The following ACTL6A variants were observed in gnomAD, a reference collection of about 807,000 sequenced individuals.
ACTL6A encodes actin like 6A, also known as actin-like protein 6A.
In ACTL6A, 5 loss-of-function variants were observed where a neutral mutation model predicts 59.2. The ratio of observed to expected loss-of-function variants is 0.08; its 90% confidence interval spans 0.04 to 0.18. ACTL6A has a LOEUF of 0.18. ACTL6A is among the 10% of genes least tolerant of loss of function. The pLI is 1.00. For synonymous variants in ACTL6A, 154 were observed against 171.8 expected (o/e 0.90, Z 0.81); for missense variants, 285 against 526.9 (o/e 0.54, Z 4.49).
intron 1 of ACTL6A, among the ~76,000 whole-genome samples, chr3:179,567,812 G>A (rs1485491796): frequency 6.6e-6 from 1 of 152,126 alleles, no homozygotes; most frequent in Admixed American, 6.5e-5. Context: ...TAATTATCTT[G>A]AGAAATGTAA....
At chr3:179,585,113 T>C (rs1365549030) in intron 12 of ACTL6A, among the ~76,000 whole-genome samples, 2 of 152,128 alleles carry the variant, frequency 1.3e-5, no homozygotes, top group East Asian at 1.9e-4. Context: ...TATTTATTTA[T>C]TTACTTGAGA....
rs774573727 is a variant in ACTL6A, at chr3:179,563,051, C to A, written c.-42C>A. 49 of 1,607,414 alleles carry A rather than the reference C, an allele frequency of 3.0e-5. No homozygotes were observed. Among genetic ancestry groups the A allele is most frequent in the Middle Eastern group, 1.7e-4 (1 of 6,046 alleles). ...GCAGTCGCGGCCACTGCAGTCACTT[C>A]GCCAGTTAGCCCTTAGGGTAGGAGT... On this transcript the variant is annotated 5_prime_UTR_variant, in exon 1 of 14. Transcript: ENST00000429709.
intron 1 of ACTL6A, among the ~76,000 whole-genome samples, chr3:179,566,406 GCTT>G (rs1326076036): frequency 6.6e-6 from 1 of 152,122 alleles, no homozygotes; most frequent in African/African-American, 2.4e-5. Context: ...ATTATAATTG[GCTT>G]CTTTTATAAA....
intron 8 of ACTL6A, among the ~76,000 whole-genome samples, chr3:179,579,879 C>G (rs956766818): frequency 1.3e-5 from 2 of 152,138 alleles, no homozygotes; most frequent in African/African-American, 4.8e-5. Flanking sequence ...AACACCTGGG[C>G]TCCCCCTGCC....
At chr3:179,567,911 C>G (rs903448280) in intron 1 of ACTL6A, among the ~76,000 whole-genome samples, 1 of 152,132 alleles carries the variant, frequency 6.6e-6, no homozygotes, top group East Asian at 1.9e-4. Flanking sequence ...CGGTGGCTAA[C>G]ACCTATAATC....
chr3:179,570,333 A>G lies in ACTL6A; in HGVS notation c.277+92A>G, dbSNP rs1717967403. 8.2e-7 allele frequency: 1 copy of G among 1,218,796 alleles called. No homozygotes were observed. 75.5% of individuals were successfully genotyped at this position (1,218,796 alleles called of 1,614,324 possible). ...GCTTCCTATAAGTTGAACATCAACCATGGTTTTTTGTTTTGTTTTGTTTTT... is the reference window on the plus strand; with the variant it reads ...GCTTCCTATAAGTTGAACATCAACCGTGGTTTTTTGTTTTGTTTTGTTTTT... On this transcript the variant is annotated intron_variant, in intron 3 of 13. Coordinates refer to ENST00000429709, the MANE Select transcript of ACTL6A (RefSeq NM_004301.5). This position sits in a 1 kb window ranked among gnomAD's most constrained non-coding sequence, Gnocchi z 4.3.
intron 5 of ACTL6A, 123 bp downstream of exon 5, chr3:179,574,590 C>T: frequency 1.4e-6 from 1 of 728,298 alleles, no homozygotes; most frequent in Non-Finnish European, 2.4e-6. Flanking sequence ...TCCCTTTTCT[C>T]TTGCTTTTTA....
At chr3:179,575,585 T>G (rs1718143432) in intron 5 of ACTL6A, 1 of 376,940 alleles carries the variant, frequency 2.7e-6, no homozygotes, top group Non-Finnish European at 5.2e-6. Flanking sequence ...TCAGTAAATA[T>G]TTGATGAATG....
chr3:179,563,210 T>TCCGGTCTCCCCCTCTCGGGACC (rs1160288724), intron 1 of ACTL6A, 93 bp downstream of exon 1: 1 of 1,515,184 alleles, frequency 6.6e-7, no homozygotes, highest in South Asian at 1.2e-5. Flanking sequence ...GGCGTTCCCT[T>TCCGGTCTCCCCCTCTCGGGACC]CCGGTCTCCC....
Position 179,574,360 on chromosome 3 carries a change from T to C in ACTL6A, c.379-10T>C. On this transcript the variant is annotated splice_polypyrimidine_tract_variant and intron_variant, in intron 4 of 13. Transcript: ENST00000429709. Reference sequence around the variant, plus strand: ...TAATAACTTGCATTTCTTTTTCCCCTCTTCTCAAGTGGAATACTAGAGCAA... The same window carrying C: ...TAATAACTTGCATTTCTTTTTCCCCCCTTCTCAAGTGGAATACTAGAGCAA... 1 of 1,569,658 alleles carries C rather than the reference T, an allele frequency of 6.4e-7. No individual in the cohort carries two copies. Among genetic ancestry groups the C allele is most frequent in the Non-Finnish European group, 8.8e-7 (1 of 1,141,268 alleles).
chr3:179,573,207 G>A, intron 3 of ACTL6A, 162 bp from the exon 4 acceptor site: 1 of 492,016 alleles, frequency 2.0e-6, no homozygotes, highest in Non-Finnish European at 3.5e-6. Context: ...GAAGGCAAAG[G>A]TAATCTCTAT....
chr3:179,577,053 A>C (rs1231855557), intron 8 of ACTL6A, 140 bp downstream of exon 8: 1 of 580,468 alleles, frequency 1.7e-6, no homozygotes, highest in Non-Finnish European at 3.0e-6. Context: ...TTTATTACTA[A>C]ATACATTTTG....
intron 3 of ACTL6A, among the ~76,000 whole-genome samples, chr3:179,572,055 C>T (rs575085328): frequency 1.3e-5 from 2 of 150,904 alleles, no homozygotes; most frequent in South Asian, 4.2e-4. Flanking sequence ...ATTCAGTAAA[C>T]GGGAATAAAA....
chr3:179,569,900 G>A lies in ACTL6A; in HGVS notation c.102G>A (p.Lys34=), dbSNP rs1364515528. 3 of 1,613,638 alleles carry A rather than the reference G, an allele frequency of 1.9e-6. No individual in the cohort carries two copies. The highest frequency in any genetic ancestry group is 3.3e-5 in the Admixed American group (2 of 59,984). ...GTTATGCTGGTGAGGACTGCCCCAA[G>A]GTAAGTGTAATGTTAGAGTTAATTG... ...RAGYAGEDCP[K]VDFPTAIGMV... The change falls in exon 2 of 14, where the codon AAG becomes AAA. Residue 34 remains lysine (K), a splice_region_variant and synonymous_variant. Coordinates refer to ENST00000429709, the MANE Select transcript of ACTL6A (RefSeq NM_004301.5).
At chr3:179,567,344 C>A (rs189639118) in intron 1 of ACTL6A, among the ~76,000 whole-genome samples, 2 of 152,002 alleles carry the variant, frequency 1.3e-5, no homozygotes, top group Non-Finnish European at 2.9e-5. Context: ...CCAGCCTGGG[C>A]GACAGGAGTG....
intron 1 of ACTL6A, among the ~76,000 whole-genome samples, chr3:179,569,570 A>C (rs75847513): frequency 0.014 from 2,099 of 152,298 alleles, 45 homozygotes; most frequent in African/African-American, 0.048. Flanking sequence ...GGCTGAGTGC[A>C]GTGGCTCATG....
At chr3:179,579,032 T>A (rs188869686) in intron 8 of ACTL6A, among the ~76,000 whole-genome samples, 1 of 152,180 alleles carries the variant, frequency 6.6e-6, no homozygotes, top group African/African-American at 2.4e-5. Context: ...CGTGAGCCAC[T>A]GTGCCCGGCC....
intron 8 of ACTL6A, 98 bp from the exon 9 acceptor site, chr3:179,580,542 C>T: frequency 1.2e-6 from 1 of 837,740 alleles, no homozygotes; most frequent in South Asian, 1.8e-5. Flanking sequence ...GAAACATGGT[C>T]CAATTTCATT....
chr3:179,585,157 C>T (rs572290613), intron 12 of ACTL6A, among the ~76,000 whole-genome samples: 1 of 152,252 alleles, frequency 6.6e-6, no homozygotes, highest in South Asian at 2.1e-4. Context: ...GGCTGGAGTG[C>T]AGTGGCACGA....
Sources: allele counts gnomAD v4.1 joint callset (sites outside exome capture counted in the v4.1 genomes callset), GRCh38; gene constraint gnomAD v4.1.1; non-coding constraint Gnocchi (gnomAD v3.1); transcripts MANE v1.5; gene names NCBI Gene and HGNC (gene_info 2026-07-23, HGNC 2026-07-21).